Variants in PDGFA observed in about 807,000 individuals in gnomAD.
The protein encoded by PDGFA is platelet derived growth factor subunit A.
A neutral mutation model predicts 25.6 loss-of-function variants in PDGFA; 9 were observed. That is an observed-to-expected ratio of 0.35 (90% CI 0.21 to 0.61). The LOEUF (loss-of-function observed/expected upper bound fraction) is 0.61. Ranked by LOEUF, PDGFA falls within the 20% of genes least tolerant of loss-of-function variation. The pLI is 0.75. For missense variants in PDGFA, 242 were observed against 272.8 expected, an observed-to-expected ratio of 0.89 and a Z score of 0.79; for synonymous variants, 133 against 111.8, an observed-to-expected ratio of 1.19 and a Z score of -1.20.
At chr7:519,896 TCCCCCG>T, upstream of PDGFA, 3 of 41,792 alleles carry the variant, frequency 7.2e-5, no homozygotes, top group South Asian at 3.1e-3. Context: ...GCCGCGCCCC[TCCCCCG>T]CCCCCGCCCC....
At chr7:512,978 T>A in intron 2 of PDGFA, 1 of 218,068 alleles carries the variant, frequency 4.6e-6, no homozygotes, top group East Asian at 1.0e-4. Flanking sequence ...AAAGCACTCC[T>A]GGAAGAAGTG....
At chr7:507,519 T>G (rs867368654) in intron 4 of PDGFA, among the ~76,000 whole-genome samples, 4 of 152,196 alleles carry the variant, frequency 2.6e-5, no homozygotes, top group African/African-American at 4.8e-5. Context: ...CACTGCCCTG[T>G]AGGGCCAAGC....
At chr7:515,429 G>C (rs1453489522) in intron 2 of PDGFA, among the ~76,000 whole-genome samples, 2 of 152,178 alleles carry the variant, frequency 1.3e-5, no homozygotes, top group African/African-American at 4.8e-5. Context: ...TGGAGGAGCA[G>C]CCGGTGCCTC....
At chr7:519,629 C>G (rs1311983719), upstream of PDGFA, among the ~76,000 whole-genome samples, 1 of 145,726 alleles carries the variant, frequency 6.9e-6, no homozygotes, top group African/African-American at 2.5e-5. Context: ...GCGCCGCGCT[C>G]CGCCCTCCGC....
At chr7:512,323 C>T in intron 3 of PDGFA, 28 bp downstream of exon 3, 1 of 1,597,032 alleles carries the variant, frequency 6.3e-7, no homozygotes, top group African/African-American at 1.3e-5. Flanking sequence ...CCGGCCCTGC[C>T]CTGCCCATCG....
chr7:515,213 T>C (rs1379992836), intron 2 of PDGFA, among the ~76,000 whole-genome samples: 1 of 152,178 alleles, frequency 6.6e-6, no homozygotes, highest in Non-Finnish European at 1.5e-5. Context: ...GGAAAGTTCG[T>C]TGCGTTGGGT....
In PDGFA at chr7:500,658, C is replaced by T; in HGVS notation, c.580+458G>A. ...CTGAGTCCCCTCATGCTCCCAGGGC[C>T]CAGCCATAGCAGGGCACAGAAGCCA... On this transcript the variant is annotated intron_variant, in intron 5 of 5. Transcript: ENST00000402802. This position sits in a 1 kb window ranked among gnomAD's most constrained non-coding sequence, Gnocchi z 5.0. 1 of 1,466,370 alleles carries T rather than the reference C, an allele frequency of 6.8e-7. No individual in the cohort carries two copies. Among genetic ancestry groups the T allele is most frequent in the South Asian group, 1.4e-5 (1 of 71,748 alleles). 90.8% of individuals were successfully genotyped at this position (1,466,370 alleles called of 1,614,324 possible).
intron 4 of PDGFA, among the ~76,000 whole-genome samples, chr7:508,559 C>CAAAAAAAAA (rs766165770): frequency 0.072 from 2,561 of 35,654 alleles, 685 homozygotes; most frequent in Non-Finnish European, 0.1. Flanking sequence ...GAAGCTGTCC[C>CAAAAAAAAA]AAAAAAAAAA....
chr7:519,211 CAG>C (rs1783251552), exon 1 of PDGFA: 1 of 383,280 alleles, frequency 2.6e-6, no homozygotes, highest in South Asian at 5.3e-5. Context: ...GGAGGAGAAA[CAG>C]GGAGTGCGCG....
At chr7:510,741 G>T in intron 4 of PDGFA, 68 bp downstream of exon 4, 1 of 372,984 alleles carries the variant, frequency 2.7e-6, no homozygotes, top group Admixed American at 3.5e-5. Flanking sequence ...GGGGAGGGGA[G>T]AGGAGAGGAG....
At chr7:519,762 C>T (rs1783287035), upstream of PDGFA, among the ~76,000 whole-genome samples, 1 of 147,744 alleles carries the variant, frequency 6.8e-6, no homozygotes, top group Non-Finnish European at 1.5e-5. Flanking sequence ...GCGCCTCCGC[C>T]GCAGCCGCCG....
Position 500,793 on chromosome 7 carries a change from T to G in PDGFA, c.580+323A>C. 1 of 1,446,280 alleles carries G rather than the reference T, an allele frequency of 6.9e-7. No homozygotes were observed. Among genetic ancestry groups the G allele is most frequent in the East Asian group, 2.6e-5 (1 of 38,760 alleles). 89.6% of individuals were successfully genotyped at this position (1,446,280 alleles called of 1,614,324 possible). A position where few individuals can be genotyped will look rare whatever the true frequency, so the allele number is the denominator to read the frequency against. ...TCCCGCCCACCCTGGCAGGAGGCCC[T>G]TCTGCAGATTCTTCTCAGCTCAGCC... On this transcript the variant is annotated intron_variant, in intron 5 of 5. Transcript: ENST00000402802. This position sits in a 1 kb window ranked among gnomAD's most constrained non-coding sequence, Gnocchi z 5.0.
exon 1 of PDGFA, chr7:518,977 G>T: frequency 6.5e-7 from 1 of 1,542,202 alleles, no homozygotes; most frequent in South Asian, 1.2e-5. Flanking sequence ...CAGCCGAGGA[G>T]CAGCAGGCAA....
chr7:516,111 C>G (rs1164443243), intron 2 of PDGFA, among the ~76,000 whole-genome samples: 1 of 142,784 alleles, frequency 7.0e-6, no homozygotes, highest in Non-Finnish European at 1.5e-5. Context: ...CCCCCACAAA[C>G]CAGAGCCAGA....
intron 4 of PDGFA, among the ~76,000 whole-genome samples, chr7:508,124 C>T (rs947777711): frequency 3.9e-5 from 6 of 152,102 alleles, no homozygotes; most frequent in South Asian, 2.1e-4. Flanking sequence ...GGAAACGACC[C>T]GGCTGGCTGC....
At chr7:507,445 C>A (rs1782609319) in intron 4 of PDGFA, among the ~76,000 whole-genome samples, 1 of 152,210 alleles carries the variant, frequency 6.6e-6, no homozygotes, top group South Asian at 2.1e-4. Flanking sequence ...CTGCACTGGC[C>A]AGAGGGTGCT....
At chr7:503,787 G>A (rs940621740) in intron 4 of PDGFA, among the ~76,000 whole-genome samples, 1 of 152,220 alleles carries the variant, frequency 6.6e-6, no homozygotes, top group Non-Finnish European at 1.5e-5. Flanking sequence ...AGACAGCCAA[G>A]TATGAGCTCA....
At position 517,243 on chromosome 7, in the gene PDGFA, C is replaced by CCT; in HGVS notation, c.160+149_160+150dup. 1 of 302,352 alleles carries CCT rather than the reference C, an allele frequency of 3.3e-6. No homozygotes were observed. The highest frequency in any genetic ancestry group is 6.0e-6 in the Non-Finnish European group (1 of 166,186). 18.7% of individuals were successfully genotyped at this position (302,352 alleles called of 1,614,324 possible). ...GAAAGTGGAGACTGGAAGAGAAACT[C>CCT]CTGACTCATCCGCCCGGGCGCTTAT... On this transcript the variant is annotated intron_variant, in intron 2 of 5. Coordinates refer to ENST00000402802, the Ensembl canonical transcript of PDGFA. This position sits in a 1 kb window ranked among gnomAD's most constrained non-coding sequence, Gnocchi z 7.4.
chr7:511,900 T>TC (rs202188347), intron 3 of PDGFA, among the ~76,000 whole-genome samples: 2,307 of 152,040 alleles, frequency 0.015, 27 homozygotes, highest in South Asian at 0.043. Context: ...GGTGAGGGTG[T>TC]CGGGGGGCAG....
Sources: gnomAD v4.1 joint callset for allele counts (sites outside exome capture counted in the v4.1 genomes callset) on GRCh38, gnomAD v4.1.1 for gene constraint, Gnocchi (gnomAD v3.1) non-coding constraint, MANE v1.5 for transcripts, NCBI Gene and HGNC (gene_info 2026-07-23, HGNC 2026-07-21) for gene names.